Variants in STAB2 observed in about 807,000 individuals in gnomAD.
STAB2 encodes the protein stabilin-2.
In STAB2, 288 loss-of-function variants were observed where a neutral mutation model predicts 338.1. That is an observed-to-expected ratio of 0.85 (90% CI 0.77 to 0.94). STAB2 has a LOEUF of 0.94. STAB2 is among the 40% of genes least tolerant of loss of function. The probability of loss-of-function intolerance (pLI) is 0.00; values close to 1 mark genes in which losing one functional copy is unlikely to be tolerated. For missense variants in STAB2, 3,141 were observed against 3,210.1 expected (o/e 0.98, Z 0.52); for synonymous variants, 1,202 against 1,193.3 (o/e 1.01, Z -0.15).
intron 3 of STAB2, among the ~76,000 whole-genome samples, chr12:103,600,769 A>G (rs1487653538): frequency 1.0e-5 from 1 of 96,606 alleles, no homozygotes; most frequent in African/African-American, 6.6e-5. Flanking sequence ...TGGCTCAAGA[A>G]AGCCCCCAGG....
chr12:103,681,945 A>G (rs923967268), intron 25 of STAB2, among the ~76,000 whole-genome samples: 14 of 152,102 alleles, frequency 9.2e-5, no homozygotes, highest in African/African-American at 2.9e-4. Context: ...CTACTCCAGT[A>G]TGACCTCATC....
At chr12:103,669,410 A>G in intron 20 of STAB2, 131 bp from the exon 21 acceptor site, 1 of 769,418 alleles carries the variant, frequency 1.3e-6, no homozygotes, top group Non-Finnish European at 2.2e-6. Context: ...ATCAACTGCC[A>G]AAGAAAAGGG....
intron 23 of STAB2, among the ~76,000 whole-genome samples, chr12:103,674,856 G>A (rs1006766608): frequency 1.3e-5 from 2 of 152,150 alleles, no homozygotes; most frequent in African/African-American, 4.8e-5. Context: ...TAGGCTATAT[G>A]AGACAAGAGA....
chr12:103,678,082 T>TC (rs1008640776), intron 25 of STAB2, among the ~76,000 whole-genome samples: 1 of 151,992 alleles, frequency 6.6e-6, no homozygotes, highest in Admixed American at 6.6e-5. Context: ...AAGGCTCCCT[T>TC]CCCCCATCCA....
chr12:103,699,059 A>T (rs1878635677), intron 33 of STAB2, 37 bp from the exon 34 acceptor site: 13 of 1,581,514 alleles, frequency 8.2e-6, no homozygotes, highest in Non-Finnish European at 1.0e-5. Context: ...TGTCAGGCTG[A>T]TCTCTTGACT....
At chr12:103,690,896 A>G (rs919672959) in intron 30 of STAB2, among the ~76,000 whole-genome samples, 4 of 152,246 alleles carry the variant, frequency 2.6e-5, no homozygotes, top group Non-Finnish European at 5.9e-5. Flanking sequence ...ATCTGTATAG[A>G]GAAATGAAAT....
intron 17 of STAB2, among the ~76,000 whole-genome samples, chr12:103,661,392 A>G (rs148295919): frequency 0.045 from 6,795 of 152,282 alleles, 160 homozygotes; most frequent in Non-Finnish European, 0.065. Context: ...GTTGATGGTG[A>G]TGATTATCTC....
At chr12:103,597,780 CTTT>C (rs571175998) in intron 3 of STAB2, among the ~76,000 whole-genome samples, 2 of 149,142 alleles carry the variant, frequency 1.3e-5, no homozygotes, top group African/African-American at 4.9e-5. Flanking sequence ...GAACATCTTA[CTTT>C]TTTTTTTATT....
Position 103,766,404 on chromosome 12 carries a change from C to A in STAB2, c.*68C>A. ...GGCCATCAACTGTGAATTCTCAGCACCAGTTGCCTTTTAGGAACGTAAAGT... is the reference window on the plus strand; with the variant it reads ...GGCCATCAACTGTGAATTCTCAGCAACAGTTGCCTTTTAGGAACGTAAAGT... On this transcript the variant is annotated 3_prime_UTR_variant, in exon 69 of 69. Transcript: ENST00000388887. 1.3e-6 allele frequency: 2 copies of A among 1,534,794 alleles called. No individual in the cohort carries two copies. Among genetic ancestry groups the A allele is most frequent in the Non-Finnish European group, 8.8e-7 (1 of 1,134,550 alleles).
At chr12:103,743,856 A>C (rs1296406661) in intron 56 of STAB2, among the ~76,000 whole-genome samples, 1 of 152,152 alleles carries the variant, frequency 6.6e-6, no homozygotes, top group African/African-American at 2.4e-5. Context: ...GGAGGAAGAG[A>C]GGAAGAGAAT....
At chr12:103,765,651 G>A (rs1291132712) in intron 68 of STAB2, among the ~76,000 whole-genome samples, 5 of 152,150 alleles carry the variant, frequency 3.3e-5, no homozygotes, top group Admixed American at 2.0e-4. Context: ...GCAAGCCTCA[G>A]GTGATCCTCC....
intron 18 of STAB2, among the ~76,000 whole-genome samples, chr12:103,663,356 G>A (rs1170689594): frequency 6.6e-6 from 1 of 151,990 alleles, no homozygotes; most frequent in Non-Finnish European, 1.5e-5. Context: ...TGCTCCCTCT[G>A]AAGGCTCTAG....
intron 44 of STAB2, among the ~76,000 whole-genome samples, chr12:103,718,489 A>T (rs1317102229): frequency 2.0e-5 from 3 of 147,500 alleles, no homozygotes; most frequent in Non-Finnish European, 4.4e-5. Flanking sequence ...ACACATCATT[A>T]GTTCTCCCAG....
intron 25 of STAB2, among the ~76,000 whole-genome samples, chr12:103,680,923 A>G (rs1876840758): frequency 6.6e-6 from 1 of 152,360 alleles, no homozygotes; most frequent in Non-Finnish European, 1.5e-5. Context: ...CCACTCAGCC[A>G]CTAAGCTCAG....
chr12:103,739,144 A>ATT (rs10711740), intron 53 of STAB2, among the ~76,000 whole-genome samples: 9 of 146,850 alleles, frequency 6.1e-5, no homozygotes, highest in African/African-American at 1.5e-4. Context: ...TGCCTGGCTA[A>ATT]TTTTTTTTTT....
intron 26 of STAB2, 53 bp downstream of exon 26, chr12:103,683,353 C>T (rs1593230228): frequency 1.6e-6 from 2 of 1,286,074 alleles, no homozygotes; most frequent in African/African-American, 1.5e-5. Flanking sequence ...AAAAACAATG[C>T]TTGAGAAAGA....
chr12:103,743,023 C>CTTTTT (rs34478982), intron 56 of STAB2, among the ~76,000 whole-genome samples: 1 of 134,742 alleles, frequency 7.4e-6, no homozygotes, highest in African/African-American at 2.8e-5. Flanking sequence ...ATTTTTTTTT[C>CTTTTT]TTTTTTTTTT....
intron 34 of STAB2, among the ~76,000 whole-genome samples, chr12:103,701,151 A>G (rs1193106621): frequency 2.0e-5 from 3 of 151,308 alleles, no homozygotes; most frequent in Non-Finnish European, 4.4e-5. Context: ...ATGATTTCCA[A>G]TTTCATCCAT....
intron 18 of STAB2, among the ~76,000 whole-genome samples, chr12:103,665,591 T>C (rs1005037864): frequency 6.6e-6 from 1 of 152,088 alleles, no homozygotes; most frequent in Non-Finnish European, 1.5e-5. Context: ...GTAGGGATGG[T>C]ACCAAAGCAG....
Sources: allele counts gnomAD v4.1 joint callset (sites outside exome capture counted in the v4.1 genomes callset), GRCh38; gene constraint gnomAD v4.1.1; transcripts MANE v1.5; gene names NCBI Gene and HGNC (gene_info 2026-07-23, HGNC 2026-07-21).